VPS35L: variants seen among roughly 807,000 people sequenced by gnomAD.
VPS35L encodes VPS35 endosomal protein sorting factor like.
VPS35L carries 83 observed loss-of-function variants against 133.0 expected under a neutral mutation model. That is an observed-to-expected ratio of 0.62 (90% CI 0.52 to 0.75). VPS35L has a LOEUF of 0.75. VPS35L is among the 30% of genes least tolerant of loss of function. The pLI is 0.00. For synonymous variants in VPS35L, 423 were observed against 449.9 expected (o/e 0.94, Z 0.76); for missense variants, 1,083 against 1,206.8 (o/e 0.90, Z 1.52).
chr16:19,593,340 A>G (rs1972102082), intron 8 of VPS35L, among the ~76,000 whole-genome samples: 1 of 152,114 alleles, frequency 6.6e-6, no homozygotes, highest in Non-Finnish European at 1.5e-5. Context: ...TCACTGTCTT[A>G]CAGGGACTAA....
intron 9 of VPS35L, among the ~76,000 whole-genome samples, chr16:19,605,594 A>C (rs377210922): frequency 1.1e-4 from 17 of 152,204 alleles, no homozygotes; most frequent in African/African-American, 4.1e-4. Flanking sequence ...AGGGCCTTGC[A>C]CTTGCTGTTT....
At chr16:19,559,848 G>C (rs1970971539) in intron 1 of VPS35L, among the ~76,000 whole-genome samples, 1 of 152,012 alleles carries the variant, frequency 6.6e-6, no homozygotes, top group Non-Finnish European at 1.5e-5. Context: ...GACCATGCCT[G>C]GCTAATTTTT....
chr16:19,565,096 C>T, intron 2 of VPS35L, 146 bp downstream of exon 2: 1 of 564,072 alleles, frequency 1.8e-6, no homozygotes, highest in Middle Eastern at 5.3e-4. Context: ...CTCTGTCGCC[C>T]AGGCTGGAGT....
At chr16:19,586,756 T>C (rs1971878199) in intron 7 of VPS35L, among the ~76,000 whole-genome samples, 1 of 152,246 alleles carries the variant, frequency 6.6e-6, no homozygotes, top group African/African-American at 2.4e-5. Flanking sequence ...TGTTTTCTTC[T>C]AGAAGTGTTA....
At chr16:19,560,709 T>C (rs553243983) in intron 1 of VPS35L, among the ~76,000 whole-genome samples, 1 of 151,930 alleles carries the variant, frequency 6.6e-6, no homozygotes, top group Admixed American at 6.6e-5. Context: ...GGCAGGAGAA[T>C]TGAGTGAATC....
intron 26 of VPS35L, among the ~76,000 whole-genome samples, chr16:19,663,000 AAT>A (rs1451438013): frequency 6.6e-5 from 9 of 136,152 alleles, no homozygotes; most frequent in African/African-American, 3.0e-4. Flanking sequence ...AAAAAAAAAT[AAT>A]AATAATTATA....
intron 19 of VPS35L, among the ~76,000 whole-genome samples, chr16:19,636,190 AAAATAATAATAAAAC>A (rs962126879): frequency 4.6e-5 from 7 of 152,188 alleles, no homozygotes; most frequent in African/African-American, 1.4e-4. Context: ...CCTGTCTCAA[AAAATAATAATAAAAC>A]AAATAATAAT....
At chr16:19,588,166 T>TGTATGTATGTATGTATGTAC (rs1346626880) in intron 7 of VPS35L, among the ~76,000 whole-genome samples, 1 of 149,750 alleles carries the variant, frequency 6.7e-6, no homozygotes, top group African/African-American at 2.5e-5. Flanking sequence ...TAAGTATGTA[T>TGTATGTATGTATGTATGTAC]GTATGTATGT....
Position 19,691,406 on chromosome 16 carries a change from A to G in VPS35L, c.2581A>G (p.Asn861Asp). The change falls in exon 29 of 31, where the codon AAC (asparagine) becomes GAC (aspartate). Residue 861 changes from asparagine (N) to aspartate (D), a missense_variant. Coordinates refer to ENST00000417362, the MANE Select transcript of VPS35L (RefSeq NM_020314.7). ...AGACTCCAAGTTCCTGGCAGAAAAC[A>G]ACAAGCTGTGTGAGACGGTGATGGC... ...GGDSKFLAEN[N>D]KLCETVMAQI... 6.2e-7 allele frequency: 1 copy of G among 1,614,068 alleles called. No individual in the cohort carries two copies. The highest frequency in any genetic ancestry group is 1.1e-5 in the South Asian group (1 of 91,076).
intron 27 of VPS35L, 22 bp downstream of exon 27, chr16:19,669,321 G>A (rs181993927): frequency 1.6e-4 from 248 of 1,588,378 alleles, no homozygotes; most frequent in Non-Finnish European, 2.0e-4. Context: ...CAGCAGAACC[G>A]CAGGACATGT....
At chr16:19,594,644 C>CAAAAAAAAAAAA (rs57187565) in intron 8 of VPS35L, among the ~76,000 whole-genome samples, 1 of 31,490 alleles carries the variant, frequency 3.2e-5, no homozygotes, top group African/African-American at 1.1e-4. Flanking sequence ...GATTTCGTCT[C>CAAAAAAAAAAAA]AAAAAAAAAA....
At chr16:19,630,604 G>T (rs1479261260) in intron 18 of VPS35L, among the ~76,000 whole-genome samples, 2 of 152,050 alleles carry the variant, frequency 1.3e-5, no homozygotes, top group Non-Finnish European at 2.9e-5. Context: ...AAAGTGCTGG[G>T]ATTACAGGCG....
Sources: gnomAD v4.1 joint callset for allele counts (sites outside exome capture counted in the v4.1 genomes callset) on GRCh38, gnomAD v4.1.1 for gene constraint, MANE v1.5 for transcripts, NCBI Gene and HGNC (gene_info 2026-07-23, HGNC 2026-07-21) for gene names.